HACD2: variants seen among roughly 807,000 people sequenced by gnomAD.
The protein encoded by HACD2 is very-long-chain (3R)-3-hydroxyacyl-CoA dehydratase 2.
Under a neutral mutation model 31.0 loss-of-function variants are expected in HACD2, and 15 were observed. The ratio of observed to expected loss-of-function variants is 0.48; its 90% confidence interval spans 0.32 to 0.75. The LOEUF is 0.75. HACD2 is among the 30% of genes least tolerant of loss of function. The pLI is 0.03. For missense variants in HACD2, 283 were observed against 313.0 expected (o/e 0.90, Z 0.72); for synonymous variants, 115 against 122.2 (o/e 0.94, Z 0.39).
In HACD2 at chr3:123,494,715, C is replaced by G; in HGVS notation, c.*173G>C. Reference sequence around the variant, plus strand: ...GGGTGTTTTATGTAACAACCTTTTTCTAAAATAAAATCTCAGGCCCATGTG... The same window carrying G: ...GGGTGTTTTATGTAACAACCTTTTTGTAAAATAAAATCTCAGGCCCATGTG... On this transcript the variant is annotated 3_prime_UTR_variant, in exon 7 of 7. Coordinates refer to ENST00000383657, the MANE Select transcript of HACD2 (RefSeq NM_198402.5). The G allele has an allele frequency of 1.6e-6, 1 of 630,824 alleles. No homozygotes were observed. The highest frequency in any genetic ancestry group is 2.8e-6 in the Non-Finnish European group (1 of 359,514). The allele number at this position is 630,824 out of a possible 1,614,324, so 39.1% of individuals were successfully genotyped here. A position where few individuals can be genotyped will look rare whatever the true frequency, so the allele number is the denominator to read the frequency against.
chr3:123,544,131 G>C (rs140889848), intron 3 of HACD2, among the ~76,000 whole-genome samples: 6 of 152,282 alleles, frequency 3.9e-5, no homozygotes, highest in Non-Finnish European at 7.4e-5. Flanking sequence ...GGCAGTGGTG[G>C]CGTTCCCCGA....
At position 123,528,168 on chromosome 3, in the gene HACD2, AC is replaced by A. The variant is rs1197302762; in HGVS notation, c.381+217del. ...ATGAGAACTCAGATTACAGGACTTT[AC>A]CATTTAATCAGTCTTCTTTTTAACA... On this transcript the variant is annotated intron_variant, in intron 4 of 6. Transcript: ENST00000383657. 3.9e-5 allele frequency among the ~76,000 whole-genome samples: 6 copies of A among 152,292 alleles called. No homozygotes were observed. In the South Asian group the frequency reaches 1.2e-3, roughly 32 times the overall value.
At position 123,582,333 on chromosome 3, in the gene HACD2, G is replaced by A. The variant is rs2056974703; in HGVS notation, c.156-4C>T. On this transcript the variant is annotated splice_polypyrimidine_tract_variant and splice_region_variant and intron_variant, in intron 1 of 6. Transcript: ENST00000383657. ...ACCAACCGCTATAACCAGCCACCTA[G>A]TAAAAGAGAAAACAGCAATCAGGAA... The A allele has an allele frequency of 2.6e-6, 4 of 1,557,698 alleles. No homozygotes were observed. The highest frequency in any genetic ancestry group is 2.6e-6 in the Non-Finnish European group (3 of 1,153,366).
intron 3 of HACD2, among the ~76,000 whole-genome samples, chr3:123,555,698 A>G (rs750649088): frequency 6.6e-6 from 1 of 152,214 alleles, no homozygotes; most frequent in African/African-American, 2.4e-5. Flanking sequence ...TCAAAATCCC[A>G]GGAAGCTATT....
At chr3:123,568,255 C>T (rs1354731388) in intron 2 of HACD2, among the ~76,000 whole-genome samples, 1 of 152,210 alleles carries the variant, frequency 6.6e-6, no homozygotes, top group Non-Finnish European at 1.5e-5. Flanking sequence ...CCCATCTTGC[C>T]TCATTCAATG....
At chr3:123,510,039 T>C (rs911681948) in intron 4 of HACD2, among the ~76,000 whole-genome samples, 6 of 152,166 alleles carry the variant, frequency 3.9e-5, no homozygotes, top group African/African-American at 1.2e-4. Flanking sequence ...AAGTGCATAA[T>C]TCGTTGGAAT....
intron 3 of HACD2, among the ~76,000 whole-genome samples, chr3:123,545,714 G>A (rs998971337): frequency 6.7e-6 from 1 of 148,858 alleles, no homozygotes; most frequent in Non-Finnish European, 1.5e-5. Flanking sequence ...ATAATAATAA[G>A]ATTTTTTTTT....
chr3:123,521,883 C>T (rs1321685988), intron 4 of HACD2, among the ~76,000 whole-genome samples: 1 of 152,108 alleles, frequency 6.6e-6, no homozygotes, highest in Non-Finnish European at 1.5e-5. Flanking sequence ...CTTTCTTTTA[C>T]ATGTAACTAA....
Position 123,494,362 on chromosome 3 carries a change from G to C in HACD2, c.*526C>G, listed in dbSNP as rs2055806915. 6.3e-6 allele frequency: 1 copy of C among 157,828 alleles called. No individual in the cohort carries two copies. Among genetic ancestry groups the C allele is most frequent in the Non-Finnish European group, 1.4e-5 (1 of 72,538 alleles). 9.8% of individuals were successfully genotyped at this position (157,828 alleles called of 1,614,324 possible). On this transcript the variant is annotated 3_prime_UTR_variant, in exon 7 of 7. Transcript: ENST00000383657. The stretch of plus-strand genomic sequence containing the variant: ...TATAATTCATTCATTAGATGTGAGG[G>C]GATAGGTCCCAGCCATAACTTCAGA...
chr3:123,503,925 G>A (rs1052034501), intron 4 of HACD2, among the ~76,000 whole-genome samples: 3 of 152,154 alleles, frequency 2.0e-5, no homozygotes, highest in African/African-American at 7.2e-5. Flanking sequence ...AGTGTACATG[G>A]AGCGGTCCAC....
At chr3:123,509,905 G>A (rs2056035092) in intron 4 of HACD2, among the ~76,000 whole-genome samples, 1 of 151,786 alleles carries the variant, frequency 6.6e-6, no homozygotes, top group African/African-American at 2.4e-5. Flanking sequence ...GACACTATGG[G>A]GGAAAAAACA....
chr3:123,540,144 GTGTTCCTATATATTAA>G (rs1483733098), intron 3 of HACD2, among the ~76,000 whole-genome samples: 4 of 150,538 alleles, frequency 2.7e-5, no homozygotes, highest in Non-Finnish European at 5.9e-5. Context: ...TTTTTGAGCC[GTGTTCCTATATATTAA>G]TGACTTTGCT....
chr3:123,566,458 A>AT (rs1313747457), intron 3 of HACD2, among the ~76,000 whole-genome samples: 4 of 151,626 alleles, frequency 2.6e-5, no homozygotes, highest in African/African-American at 9.7e-5. Flanking sequence ...CTCGTTTTTT[A>AT]TTTTTTGTAG....
chr3:123,510,955 G>GTT (rs111653163), intron 4 of HACD2, among the ~76,000 whole-genome samples: 3 of 133,302 alleles, frequency 2.3e-5, no homozygotes, highest in African/African-American at 8.2e-5. Context: ...GTTTTTTTTT[G>GTT]TTTTTTTTTT....
intron 3 of HACD2, among the ~76,000 whole-genome samples, chr3:123,535,480 G>C (rs1248208097): frequency 6.6e-6 from 1 of 152,178 alleles, no homozygotes; most frequent in Non-Finnish European, 1.5e-5. Context: ...AAAAGCAATA[G>C]GTACAACTTA....
chr3:123,527,802 A>G (rs973874667), intron 4 of HACD2, among the ~76,000 whole-genome samples: 2 of 152,264 alleles, frequency 1.3e-5, no homozygotes, highest in African/African-American at 4.8e-5. Flanking sequence ...ATAAATGCTT[A>G]GTAAATATGT....
At chr3:123,541,402 CA>C (rs1412347293) in intron 3 of HACD2, among the ~76,000 whole-genome samples, 4 of 152,150 alleles carry the variant, frequency 2.6e-5, no homozygotes, top group African/African-American at 4.8e-5. Flanking sequence ...TTCACTTAAG[CA>C]AACCAAGAAA....
rs778289152 is a variant in HACD2, at chr3:123,500,710, T to C, written c.504-17A>G. On this transcript the variant is annotated splice_polypyrimidine_tract_variant and intron_variant, in intron 5 of 6. Transcript: ENST00000383657. ...AGTGTGTACCTAAAACAAAACAAAA[T>C]ATTCATTACTGAGGCTCAAAGTCAG... 6 of 1,568,936 alleles carry C rather than the reference T, an allele frequency of 3.8e-6. No homozygotes were observed. Among genetic ancestry groups the C allele is most frequent in the African/African-American group, 1.4e-5 (1 of 73,388 alleles).
intron 6 of HACD2, among the ~76,000 whole-genome samples, chr3:123,498,391 A>G (rs558070322): frequency 9.2e-5 from 14 of 152,302 alleles, no homozygotes; most frequent in African/African-American, 3.1e-4. Context: ...TTGGGAGGAG[A>G]GTCCTTCCCT....
Sources: gnomAD v4.1 joint callset for allele counts (sites outside exome capture counted in the v4.1 genomes callset) on GRCh38, gnomAD v4.1.1 for gene constraint, MANE v1.5 for transcripts, NCBI Gene and HGNC (gene_info 2026-07-23, HGNC 2026-07-21) for gene names.